TTC6: variants seen among roughly 807,000 people sequenced by gnomAD.
The protein encoded by TTC6 is tetratricopeptide repeat domain 6.
TTC6 carries 172 observed loss-of-function variants against 210.4 expected under a neutral mutation model. The observed-to-expected ratio is 0.82, with a 90% CI of 0.72 to 0.93. TTC6 has a LOEUF of 0.93. TTC6 is among the 40% of genes least tolerant of loss of function. TTC6 has a pLI of 0.00. For synonymous variants in TTC6, 804 were observed against 819.6 expected, an observed-to-expected ratio of 0.98 and a Z score of 0.32; for missense variants, 2,414 against 2,318.1, an observed-to-expected ratio of 1.04 and a Z score of -0.85.
At chr14:37,679,364 T>C (rs2095777766) in intron 1 of TTC6, among the ~76,000 whole-genome samples, 1 of 152,136 alleles carries the variant, frequency 6.6e-6, no homozygotes, top group African/African-American at 2.4e-5. Flanking sequence ...TATTCCTACA[T>C]CATTGTTAGT....
chr14:37,767,429 G>A (rs1445833962), intron 14 of TTC6, among the ~76,000 whole-genome samples: 1 of 152,162 alleles, frequency 6.6e-6, no homozygotes, highest in South Asian at 2.1e-4. Flanking sequence ...GTGTAAAAGT[G>A]TTCCTATTTC....
intron 21 of TTC6, 109 bp downstream of exon 23, chr14:37,804,923 C>T (rs2096115004): frequency 8.1e-7 from 1 of 1,234,372 alleles, no homozygotes; most frequent in East Asian, 2.3e-5. Flanking sequence ...CGGTCCAAAG[C>T]TGCTTATGAA....
In TTC6 at chr14:37,622,329, C is replaced by T. The variant is rs893940818; in HGVS notation, c.265C>T (p.Leu89Phe). 3.3e-6 allele frequency: 5 copies of T among 1,533,330 alleles called. No individual in the cohort carries two copies. In the African/African-American group the frequency reaches 5.5e-5, roughly 17 times the overall value. 95.0% of individuals were successfully genotyped at this position (1,533,330 alleles called of 1,614,324 possible). ...AGGCCCTGCGATGTCCGCGGCCGCC[C>T]TCCTGCAGGAGGTGCTCGGAGGCGC... Residue 89 changes from leucine to phenylalanine, a missense_variant, in exon 1 of 31, where the codon CTC becomes TTC. Coordinates refer to ENST00000553443, the Ensembl canonical transcript of TTC6.
At chr14:37,692,377 C>T (rs975436781) in intron 3 of TTC6, among the ~76,000 whole-genome samples, 1 of 151,862 alleles carries the variant, frequency 6.6e-6, no homozygotes, top group Non-Finnish European at 1.5e-5. Flanking sequence ...CTTTGGGATG[C>T]AAGGATGGTT....
chr14:37,773,183 C>G (rs879764219), intron 14 of TTC6, among the ~76,000 whole-genome samples: 4 of 152,070 alleles, frequency 2.6e-5, no homozygotes, highest in Admixed American at 6.6e-5. Context: ...GTCAGATACA[C>G]AGTTTGCAAA....
At chr14:37,754,064 A>G (rs1329052511) in intron 14 of TTC6, among the ~76,000 whole-genome samples, 1 of 152,072 alleles carries the variant, frequency 6.6e-6, no homozygotes, top group Non-Finnish European at 1.5e-5. Flanking sequence ...TTTAATTTTA[A>G]ATCATTTTTT....
intron 6 of TTC6, among the ~76,000 whole-genome samples, chr14:37,719,175 G>C (rs1245992366): frequency 6.6e-6 from 1 of 152,088 alleles, no homozygotes; most frequent in African/African-American, 2.4e-5. Context: ...AGATGCTGAG[G>C]ACTACAAAAT....
At chr14:37,777,446 A>G (rs762626754) in intron 14 of TTC6, among the ~76,000 whole-genome samples, 65 of 152,064 alleles carry the variant, frequency 4.3e-4, no homozygotes, top group Non-Finnish European at 6.2e-4. Context: ...TTTCAGCTCT[A>G]TCAGTTCAGT....
At chr14:37,753,977 CTTTTA>C (rs907233592) in intron 14 of TTC6, among the ~76,000 whole-genome samples, 10 of 151,852 alleles carry the variant, frequency 6.6e-5, no homozygotes, top group African/African-American at 2.4e-4. Flanking sequence ...TGTTGCTTTT[CTTTTA>C]ATCTAAATTT....
intron 1 of TTC6, among the ~76,000 whole-genome samples, chr14:37,606,052 T>G (rs1222304978): frequency 7.9e-5 from 12 of 152,122 alleles, no homozygotes; most frequent in Non-Finnish European, 5.9e-5. Flanking sequence ...GCTTAGATGT[T>G]AGAACCCCGT....
intron 1 of TTC6, among the ~76,000 whole-genome samples, chr14:37,635,474 G>T (rs1265813177): frequency 6.6e-6 from 1 of 152,154 alleles, no homozygotes; most frequent in Non-Finnish European, 1.5e-5. Context: ...ACTGTAAGTG[G>T]TCTAAATGTA....
At chr14:37,684,225 G>T (rs1024617547) in intron 3 of TTC6, among the ~76,000 whole-genome samples, 11 of 152,080 alleles carry the variant, frequency 7.2e-5, no homozygotes, top group African/African-American at 2.4e-4. Context: ...CCTAGTCTGG[G>T]TCCTGGTGAC....
At chr14:37,792,876 C>T (rs1201458574) in intron 17 of TTC6, among the ~76,000 whole-genome samples, 1 of 150,160 alleles carries the variant, frequency 6.7e-6, no homozygotes, top group African/African-American at 2.4e-5. Flanking sequence ...GGATACTGAC[C>T]ATTCATACTT....
At chr14:37,815,687 C>T (rs2096139813) in intron 25 of TTC6, among the ~76,000 whole-genome samples, 1 of 152,044 alleles carries the variant, frequency 6.6e-6, no homozygotes, top group Admixed American at 6.6e-5. Context: ...TGTGAGACAG[C>T]TAAATTCTAT....
intron 5 of TTC6, among the ~76,000 whole-genome samples, chr14:37,707,163 A>G (rs2095837072): frequency 6.6e-6 from 1 of 151,718 alleles, no homozygotes; most frequent in Non-Finnish European, 1.5e-5. Flanking sequence ...TTTTTCTCCT[A>G]CTCATCTTGA....
chr14:37,792,515 TAGGGGCTAATGCATTTATAAAC>T (rs1161457536), intron 17 of TTC6, 101 bp downstream of exon 19: 3 of 908,576 alleles, frequency 3.3e-6, no homozygotes, highest in Non-Finnish European at 4.5e-6. Flanking sequence ...TAGCTAATTG[TAGGGGCTAATGCATTTATAAAC>T]AATGTGTTAA....
intron 26 of TTC6, among the ~76,000 whole-genome samples, chr14:37,822,170 T>TAAGC (rs1280726627): frequency 1.3e-5 from 2 of 152,240 alleles, no homozygotes; most frequent in African/African-American, 4.8e-5. Context: ...AAGCTTATCA[T>TAAGC]TTTAGCTTAT....
At chr14:37,831,216 G>A (rs925487983) in intron 29 of TTC6, among the ~76,000 whole-genome samples, 2 of 151,990 alleles carry the variant, frequency 1.3e-5, no homozygotes, top group African/African-American at 4.8e-5. Context: ...TTAACATAAT[G>A]TCCTCTATGC....
chr14:37,646,679 A>T (rs182494000), intron 1 of TTC6, among the ~76,000 whole-genome samples: 224 of 152,276 alleles, frequency 1.5e-3, no homozygotes, highest in African/African-American at 5.2e-3. Context: ...TTATTCCCAA[A>T]TTTTACTTGT....
Sources: gnomAD v4.1 joint callset for allele counts (sites outside exome capture counted in the v4.1 genomes callset) on GRCh38, gnomAD v4.1.1 for gene constraint, MANE v1.5 for transcripts, NCBI Gene and HGNC (gene_info 2026-07-23, HGNC 2026-07-21) for gene names.